The following ARHGAP42 variants were observed in gnomAD, a reference collection of about 807,000 sequenced individuals.
The protein encoded by ARHGAP42 is Rho GTPase activating protein 42, also known as rho GTPase-activating protein 42.
ARHGAP42 carries 63 observed loss-of-function variants against 125.0 expected under a neutral mutation model. The observed-to-expected ratio is 0.50, with a 90% CI of 0.41 to 0.62. The LOEUF (loss-of-function observed/expected upper bound fraction) is 0.62. Ranked by LOEUF, ARHGAP42 falls within the 20% of genes least tolerant of loss-of-function variation. The pLI is 0.00. For synonymous variants in ARHGAP42, 339 were observed against 351.0 expected, an observed-to-expected ratio of 0.97 and a Z score of 0.38; for missense variants, 766 against 1,024.2, an observed-to-expected ratio of 0.75 and a Z score of 3.44.
intron 1 of ARHGAP42, among the ~76,000 whole-genome samples, chr11:100,768,672 A>G (rs1289979150): frequency 6.6e-6 from 1 of 152,200 alleles, no homozygotes; most frequent in Non-Finnish European, 1.5e-5. Flanking sequence ...GGCTGGGTTG[A>G]CATAAATGAT....
At chr11:100,712,304 A>C (rs1861578220) in intron 1 of ARHGAP42, among the ~76,000 whole-genome samples, 1 of 152,198 alleles carries the variant, frequency 6.6e-6, no homozygotes, top group South Asian at 2.1e-4. Context: ...AAATGACTTA[A>C]GTGATTGCTA....
chr11:100,717,656 A>AAAAAG (rs1487971145), intron 1 of ARHGAP42, among the ~76,000 whole-genome samples: 3 of 150,154 alleles, frequency 2.0e-5, no homozygotes, highest in Admixed American at 6.6e-5. Flanking sequence ...AAAAAAAAAA[A>AAAAAG]AGATTCCATA....
chr11:100,976,562 T>C (rs1858397200), intron 20 of ARHGAP42, 125 bp downstream of exon 20: 3 of 1,360,614 alleles, frequency 2.2e-6, no homozygotes, highest in Non-Finnish European at 1.9e-6. Context: ...TCTACTTTTT[T>C]CCTGTGCTTG....
intron 4 of ARHGAP42, among the ~76,000 whole-genome samples, chr11:100,912,951 G>A (rs907723926): frequency 1.3e-5 from 2 of 151,854 alleles, no homozygotes; most frequent in African/African-American, 2.4e-5. Flanking sequence ...GATATTTCAG[G>A]TGTCTTTTGT....
intron 3 of ARHGAP42, among the ~76,000 whole-genome samples, chr11:100,837,110 C>T (rs377259653): frequency 2.0e-5 from 3 of 151,928 alleles, no homozygotes; most frequent in Admixed American, 6.6e-5. Context: ...AAAGAACTTT[C>T]CTATATTCTT....
At chr11:100,748,009 A>G (rs1862344477) in intron 1 of ARHGAP42, among the ~76,000 whole-genome samples, 1 of 144,466 alleles carries the variant, frequency 6.9e-6, no homozygotes, top group African/African-American at 2.5e-5. Flanking sequence ...CAAAGATGAT[A>G]ACCATTCTTT....
intron 10 of ARHGAP42, among the ~76,000 whole-genome samples, 190 bp from the exon 11 acceptor site, chr11:100,948,267 T>C (rs1868075871): frequency 6.6e-6 from 1 of 152,102 alleles, no homozygotes; most frequent in South Asian, 2.1e-4. Flanking sequence ...ATTTTTTGCA[T>C]GCCTAGTGAT....
intron 3 of ARHGAP42, among the ~76,000 whole-genome samples, chr11:100,850,214 G>T (rs904003197): frequency 3.9e-5 from 6 of 152,064 alleles, no homozygotes; most frequent in Non-Finnish European, 7.4e-5. Context: ...TTTTAATAGG[G>T]AAAATAACTA....
chr11:100,735,210 A>G (rs1291127626), intron 1 of ARHGAP42, among the ~76,000 whole-genome samples: 1 of 152,174 alleles, frequency 6.6e-6, no homozygotes, highest in African/African-American at 2.4e-5. Flanking sequence ...TCTCTAGTAC[A>G]TATTCTTTTA....
At chr11:100,780,067 T>C (rs1435657393) in intron 2 of ARHGAP42, among the ~76,000 whole-genome samples, 1 of 151,734 alleles carries the variant, frequency 6.6e-6, no homozygotes, top group Non-Finnish European at 1.5e-5. Flanking sequence ...TATTTATAAA[T>C]ATTAAAATAA....
At chr11:100,936,682 T>C (rs1867746408) in intron 8 of ARHGAP42, among the ~76,000 whole-genome samples, 1 of 152,198 alleles carries the variant, frequency 6.6e-6, no homozygotes, top group South Asian at 2.1e-4. Flanking sequence ...ATAATAGTTT[T>C]ACCCTCTGGC....
intron 1 of ARHGAP42, among the ~76,000 whole-genome samples, chr11:100,718,932 T>A (rs1861710770): frequency 6.6e-6 from 1 of 152,248 alleles, no homozygotes; most frequent in Admixed American, 6.5e-5. Context: ...TTTAAAGTAT[T>A]CTCTAATGAA....
intron 8 of ARHGAP42, 27 bp from the exon 9 acceptor site, chr11:100,941,757 T>C (rs1867892991): frequency 7.2e-7 from 1 of 1,395,930 alleles, no homozygotes; most frequent in East Asian, 2.6e-5. Flanking sequence ...TAACAAAATC[T>C]GAAATTTTTT....
chr11:100,872,376 A>C (rs938318755), intron 4 of ARHGAP42, among the ~76,000 whole-genome samples: 2 of 151,930 alleles, frequency 1.3e-5, no homozygotes, highest in African/African-American at 4.8e-5. Flanking sequence ...TTTCTTCCAA[A>C]TTAATGAGTT....
intron 3 of ARHGAP42, among the ~76,000 whole-genome samples, chr11:100,848,506 CT>C (rs1022513274): frequency 9.3e-4 from 134 of 144,374 alleles, no homozygotes; most frequent in East Asian, 3.6e-3. Flanking sequence ...TTCTTTCTTT[CT>C]TTTTTTTTTT....
chr11:100,924,143 G>T (rs568309010), intron 6 of ARHGAP42, among the ~76,000 whole-genome samples: 4 of 152,176 alleles, frequency 2.6e-5, no homozygotes, highest in Non-Finnish European at 4.4e-5. Flanking sequence ...TTTTAGCCCA[G>T]ATTATTTTAA....
At chr11:100,981,692 C>T (rs1858549935) in intron 22 of ARHGAP42, among the ~76,000 whole-genome samples, 1 of 152,168 alleles carries the variant, frequency 6.6e-6, no homozygotes. Context: ...GGGGAGAGAA[C>T]AGTCAACCAT....
chr11:100,802,174 T>G (rs2135044728), intron 3 of ARHGAP42, among the ~76,000 whole-genome samples: 1 of 152,336 alleles, frequency 6.6e-6, no homozygotes, highest in South Asian at 2.1e-4. Context: ...CACAGCTAAC[T>G]TGGCTTTAAA....
At chr11:100,980,725 C>G (rs1858522406) in intron 22 of ARHGAP42, among the ~76,000 whole-genome samples, 1 of 151,328 alleles carries the variant, frequency 6.6e-6, no homozygotes, top group Non-Finnish European at 1.5e-5. Context: ...TGTGTGCCAC[C>G]ATGTGCAGCT....
Sources: gnomAD v4.1 joint callset for allele counts (sites outside exome capture counted in the v4.1 genomes callset) on GRCh38, gnomAD v4.1.1 for gene constraint, MANE v1.5 for transcripts, NCBI Gene and HGNC (gene_info 2026-07-23, HGNC 2026-07-21) for gene names.